The following SLC12A8 variants were observed in gnomAD, a reference collection of about 807,000 sequenced individuals.
SLC12A8 encodes solute carrier family 12 member 8.
A neutral mutation model predicts 75.6 loss-of-function variants in SLC12A8; 69 were observed. The observed-to-expected ratio is 0.91, with a 90% confidence interval of 0.75 to 1.11. The LOEUF is 1.11. Among genes scored for constraint, SLC12A8 ranks in the 50% most tolerant of loss-of-function variants. The pLI, the probability that SLC12A8 is intolerant of heterozygous loss-of-function variation, is 0.00. For missense variants in SLC12A8, 877 were observed against 896.7 expected (o/e 0.98, Z 0.28); for synonymous variants, 365 against 372.8 (o/e 0.98, Z 0.24).
At chr3:125,107,453 G>C in intron 10 of SLC12A8, 28 bp downstream of exon 10, 1 of 1,568,342 alleles carries the variant, frequency 6.4e-7, no homozygotes, top group Non-Finnish European at 8.7e-7. Context: ...CCAAATAAGA[G>C]GCCCCAGTGT....
chr3:125,105,397 G>C (rs1938998032), intron 10 of SLC12A8, among the ~76,000 whole-genome samples: 1 of 152,180 alleles, frequency 6.6e-6, no homozygotes, highest in South Asian at 2.1e-4. Context: ...CAGAAGGATG[G>C]AGCCATAGGA....
intron 3 of SLC12A8, 117 bp from the exon 4 acceptor site, chr3:125,187,545 G>A (rs1560080415): frequency 1.1e-6 from 1 of 894,564 alleles, no homozygotes; most frequent in Non-Finnish European, 1.8e-6. Context: ...GGCCAGGGGT[G>A]GGGGCACAGA....
chr3:125,120,531 T>C (rs1933027292), intron 7 of SLC12A8, 68 bp downstream of exon 7: 1 of 1,128,968 alleles, frequency 8.9e-7, no homozygotes, highest in East Asian at 2.5e-5. Context: ...AAAGGGGCAA[T>C]CCCTCTTCTG....
At chr3:125,176,058 A>G (rs909359066) in intron 5 of SLC12A8, among the ~76,000 whole-genome samples, 2 of 142,996 alleles carry the variant, frequency 1.4e-5, no homozygotes, top group Admixed American at 1.4e-4. Context: ...CCGAATGCTG[A>G]CCTTCCCACA....
chr3:125,195,702 C>T (rs1934997553), intron 2 of SLC12A8, among the ~76,000 whole-genome samples: 1 of 151,920 alleles, frequency 6.6e-6, no homozygotes, highest in African/African-American at 2.4e-5. Flanking sequence ...AGTGGCAAGA[C>T]CATCAGAGGC....
intron 2 of SLC12A8, among the ~76,000 whole-genome samples, chr3:125,200,563 G>A (rs1188381868): frequency 6.6e-6 from 1 of 152,082 alleles, no homozygotes; most frequent in Admixed American, 6.5e-5. Context: ...CTGGCATTAG[G>A]GATACCATTT....
In SLC12A8 at chr3:125,100,751, C is replaced by T. The variant is rs181124414; in HGVS notation, c.1705+6730G>A. 6.2e-3 allele frequency among the ~76,000 whole-genome samples: 933 copies of T among 149,658 alleles called. 4 individuals carry two copies. Among genetic ancestry groups the T allele is most frequent in the Non-Finnish European group, 8.7e-3 (586 of 67,302 alleles). The stretch of plus-strand genomic sequence containing the variant: ...GATTTAGGCCGGGCGCGGTGGCTCA[C>T]GCCTGTAATCCCAGCACTTTGGGAG... On this transcript the variant is annotated intron_variant, in intron 10 of 13. Coordinates refer to ENST00000469902, the MANE Select transcript of SLC12A8 (RefSeq NM_024628.6).
At chr3:125,108,413 G>A (rs1939098888) in intron 9 of SLC12A8, among the ~76,000 whole-genome samples, 1 of 151,438 alleles carries the variant, frequency 6.6e-6, no homozygotes, top group Non-Finnish European at 1.5e-5. Context: ...CTGTTGCCCA[G>A]GCTGGACTGC....
intron 6 of SLC12A8, among the ~76,000 whole-genome samples, chr3:125,133,721 C>T (rs370579101): frequency 3.9e-5 from 6 of 152,228 alleles, no homozygotes; most frequent in Middle Eastern, 3.4e-3. Flanking sequence ...CCACTGCGCC[C>T]GGCCAAAGCT....
In SLC12A8 at chr3:125,107,578, G is replaced by T; in HGVS notation, c.1608C>A (p.Asn536Lys). 6.2e-7 allele frequency: 1 copy of T among 1,614,218 alleles called. No individual in the cohort carries two copies. The highest frequency in any genetic ancestry group is 1.1e-5 in the South Asian group (1 of 91,078). ...TCCCTTCGCTCTTGGAAGTCTGCTT[G>T]TTCCAGCAGGACTCCTGCCCCTCCC... Reference protein sequence around the residue: ...ASWEGQESCWNKQTSKSEGTQ... With the variant: ...ASWEGQESCWKKQTSKSEGTQ... The change falls in exon 10 of 14, where the codon AAC becomes AAA. Residue 536 changes from asparagine to lysine, a missense_variant. By Grantham distance (94) the Asn-to-Lys change is moderately conservative. Coordinates refer to ENST00000469902, the MANE Select transcript of SLC12A8 (RefSeq NM_024628.6).
At chr3:125,181,031 A>G (rs1934646380) in intron 4 of SLC12A8, among the ~76,000 whole-genome samples, 1 of 152,240 alleles carries the variant, frequency 6.6e-6, no homozygotes, top group Non-Finnish European at 1.5e-5. Context: ...AGAAGTGTAG[A>G]AAATTATGAT....
intron 5 of SLC12A8, among the ~76,000 whole-genome samples, chr3:125,138,197 T>G (rs1933540768): frequency 6.6e-6 from 1 of 151,778 alleles, no homozygotes; most frequent in Admixed American, 6.6e-5. Flanking sequence ...AGATTAGGAG[T>G]TTGAAACCAG....
At chr3:125,174,971 T>C (rs1200813137) in intron 5 of SLC12A8, among the ~76,000 whole-genome samples, 1 of 152,192 alleles carries the variant, frequency 6.6e-6, no homozygotes, top group Non-Finnish European at 1.5e-5. Flanking sequence ...CATATCAATA[T>C]TGGTTCATCA....
chr3:125,091,852 C>T (rs565133256), intron 11 of SLC12A8, among the ~76,000 whole-genome samples: 7 of 152,290 alleles, frequency 4.6e-5, no homozygotes, highest in Non-Finnish European at 8.8e-5. Context: ...GATAACTTAG[C>T]GTACCTTAAA....
At chr3:125,135,852 G>A (rs1933480267) in intron 5 of SLC12A8, 70 bp from the exon 6 acceptor site, 2 of 871,144 alleles carry the variant, frequency 2.3e-6, no homozygotes, top group Non-Finnish European at 3.6e-6. Flanking sequence ...CTAGATTATG[G>A]TACTATTTCA....
intron 2 of SLC12A8, among the ~76,000 whole-genome samples, chr3:125,203,668 A>G (rs1212352016): frequency 1.3e-5 from 2 of 152,218 alleles, no homozygotes; most frequent in East Asian, 1.9e-4. Flanking sequence ...GCTTTGGGAC[A>G]TTGGTTTGGG....
intron 5 of SLC12A8, among the ~76,000 whole-genome samples, chr3:125,161,667 C>G (rs628380): frequency 0.7 from 103,657 of 147,968 alleles, 37,211 homozygotes; most frequent in East Asian, 0.78. Context: ...ATATGAAGCA[C>G]ATGTACTTTT....
At chr3:125,097,032 CAATTT>C (rs1938729977) in intron 10 of SLC12A8, among the ~76,000 whole-genome samples, 2 of 152,166 alleles carry the variant, frequency 1.3e-5, no homozygotes, top group African/African-American at 4.8e-5. Flanking sequence ...TTAATTTTAA[CAATTT>C]AATTAATGGC....
Position 125,177,839 on chromosome 3 carries a change from C to T in SLC12A8, c.526G>A (p.Val176Ile), listed in dbSNP as rs1934571055. Reference protein sequence around the residue: ...LALLGINLAGVKWIIRLQLLL... With the variant: ...LALLGINLAGIKWIIRLQLLL... ...AGCTGGAGGCGGATTATCCATTTGA[C>T]ACCTGCGAGGTTAATGCCCAGCAAG... Residue 176 changes from valine (V) to isoleucine (I), a missense_variant, in exon 5 of 14, where the codon GTC (valine) becomes ATC (isoleucine). Val to Ile is a conservative substitution (Grantham distance 29). Coordinates refer to ENST00000469902, the MANE Select transcript of SLC12A8 (RefSeq NM_024628.6). 3.1e-6 allele frequency: 5 copies of T among 1,614,064 alleles called. No homozygotes were observed. In the East Asian group the frequency reaches 8.9e-5, roughly 29 times the overall value.
Sources: allele counts gnomAD v4.1 joint callset (sites outside exome capture counted in the v4.1 genomes callset), GRCh38; gene constraint gnomAD v4.1.1; transcripts MANE v1.5; gene names NCBI Gene and HGNC (gene_info 2026-07-23, HGNC 2026-07-21).